Variants in KL observed in about 807,000 individuals in gnomAD.
The protein encoded by KL is klotho.
In KL, 62 loss-of-function variants were observed where a neutral mutation model predicts 84.2. The ratio of observed to expected loss-of-function variants is 0.74; its 90% CI spans 0.60 to 0.91. KL has a LOEUF of 0.91. Ranked by LOEUF, KL falls within the 40% of genes least tolerant of loss-of-function variation. The probability of loss-of-function intolerance (pLI) is 0.00; values close to 1 mark genes in which losing one functional copy is unlikely to be tolerated. For missense variants in KL, 1,261 were observed against 1,305.7 expected, an observed-to-expected ratio of 0.97 and a Z score of 0.53; for synonymous variants, 528 against 528.0, an observed-to-expected ratio of 1.00 and a Z score of 0.00.
chr13:33,045,605 A>G (rs1256702458), intron 1 of KL, among the ~76,000 whole-genome samples: 1 of 151,972 alleles, frequency 6.6e-6, no homozygotes, highest in African/African-American at 2.4e-5. Flanking sequence ...CTCAGCCTCC[A>G]GAGTAGCTGG....
At chr13:33,028,113 G>A (rs1870844294) in intron 1 of KL, among the ~76,000 whole-genome samples, 1 of 152,210 alleles carries the variant, frequency 6.6e-6, no homozygotes, top group African/African-American at 2.4e-5. Context: ...ACATCTTGCT[G>A]AAATGGGCCT....
chr13:33,058,525 A>C (rs574132088), intron 3 of KL, among the ~76,000 whole-genome samples: 2 of 151,980 alleles, frequency 1.3e-5, no homozygotes, highest in Non-Finnish European at 2.9e-5. Flanking sequence ...TATTTTTAGT[A>C]GAGACCGGGT....
intron 1 of KL, among the ~76,000 whole-genome samples, chr13:33,040,354 C>T (rs1050231016): frequency 2.0e-5 from 3 of 152,118 alleles, no homozygotes; most frequent in Non-Finnish European, 4.4e-5. Context: ...AATGTAATCC[C>T]AATACTCTTC....
At chr13:33,031,299 G>A (rs1870963799) in intron 1 of KL, among the ~76,000 whole-genome samples, 1 of 152,180 alleles carries the variant, frequency 6.6e-6, no homozygotes, top group Non-Finnish European at 1.5e-5. Context: ...GACGAGAGCA[G>A]CTCTTGACAG....
intron 3 of KL, among the ~76,000 whole-genome samples, chr13:33,058,200 C>T (rs141561453): frequency 1.2e-4 from 18 of 152,204 alleles, no homozygotes; most frequent in African/African-American, 4.1e-4. Flanking sequence ...AAGTTTCTCC[C>T]ATAACATACT....
chr13:33,022,908 G>A (rs990603487), intron 1 of KL, among the ~76,000 whole-genome samples: 2 of 152,232 alleles, frequency 1.3e-5, no homozygotes, highest in African/African-American at 4.8e-5. Flanking sequence ...TGCGCTTGCA[G>A]TCTGCTCTCA....
intron 1 of KL, among the ~76,000 whole-genome samples, chr13:33,024,066 C>T (rs1298544055): frequency 6.6e-6 from 1 of 152,226 alleles, no homozygotes. Flanking sequence ...GTGACTGTCT[C>T]TTTGCCTTCC....
At chr13:33,052,116 C>G (rs1871776481) in intron 1 of KL, among the ~76,000 whole-genome samples, 1 of 152,152 alleles carries the variant, frequency 6.6e-6, no homozygotes, top group East Asian at 1.9e-4. Flanking sequence ...AGCACCATGA[C>G]TGGTTAAGTT....
At chr13:33,056,958 C>T (rs1340536636) in intron 3 of KL, among the ~76,000 whole-genome samples, 1 of 152,180 alleles carries the variant, frequency 6.6e-6, no homozygotes, top group Non-Finnish European at 1.5e-5. Flanking sequence ...TTGAAATCTC[C>T]TTATCCTAAT....
chr13:33,037,640 T>C (rs1023598961), intron 1 of KL, among the ~76,000 whole-genome samples: 1 of 152,196 alleles, frequency 6.6e-6, no homozygotes, highest in African/African-American at 2.4e-5. Flanking sequence ...TGACTCTGGC[T>C]TTATCCATGT....
At chr13:33,021,600 G>A (rs1870577227) in intron 1 of KL, among the ~76,000 whole-genome samples, 1 of 152,060 alleles carries the variant, frequency 6.6e-6, no homozygotes, top group Non-Finnish European at 1.5e-5. Flanking sequence ...AATGTATTTG[G>A]GGCCGGGCGC....
At chr13:33,051,442 G>A (rs550201900) in intron 1 of KL, among the ~76,000 whole-genome samples, 12 of 152,244 alleles carry the variant, frequency 7.9e-5, no homozygotes, top group African/African-American at 2.6e-4. Context: ...GAAGTGGGAC[G>A]ATTGCTTGAG....
chr13:33,024,280 G>T (rs947664982), intron 1 of KL, among the ~76,000 whole-genome samples: 13 of 152,242 alleles, frequency 8.5e-5, no homozygotes, highest in Non-Finnish European at 1.8e-4. Flanking sequence ...CCTGTGGCAG[G>T]CAGGTGCAAT....
intron 1 of KL, among the ~76,000 whole-genome samples, chr13:33,043,762 A>G (rs1351202179): frequency 6.6e-6 from 1 of 152,194 alleles, no homozygotes; most frequent in Non-Finnish European, 1.5e-5. Context: ...TATTTTGTCA[A>G]TTATATACTA....
At chr13:33,043,956 C>A (rs1871430925) in intron 1 of KL, among the ~76,000 whole-genome samples, 1 of 148,846 alleles carries the variant, frequency 6.7e-6, no homozygotes, top group Non-Finnish European at 1.5e-5. Context: ...TATTCTCTTA[C>A]ATTTTGTTCT....
At chr13:33,027,020 G>A (rs1244126129) in intron 1 of KL, among the ~76,000 whole-genome samples, 2 of 152,106 alleles carry the variant, frequency 1.3e-5, no homozygotes, top group African/African-American at 4.8e-5. Flanking sequence ...CAACTTTACC[G>A]CGTCTCCTGG....
chr13:33,052,967 A>G (rs1292954460), intron 1 of KL, among the ~76,000 whole-genome samples: 2 of 152,248 alleles, frequency 1.3e-5, no homozygotes, highest in African/African-American at 4.8e-5. Flanking sequence ...GAAACAAATG[A>G]AAATAAGATA....
chr13:33,044,640 CTTT>C (rs71071071), intron 1 of KL, among the ~76,000 whole-genome samples: 18 of 52,742 alleles, frequency 3.4e-4, no homozygotes, highest in African/African-American at 1.3e-3. Context: ...AATTGATTTT[CTTT>C]TTTTTTTTTT....
intron 1 of KL, among the ~76,000 whole-genome samples, chr13:33,048,093 G>C (rs914630201): frequency 3.3e-5 from 5 of 151,952 alleles, no homozygotes; most frequent in Admixed American, 2.0e-4. Context: ...CCCAATGTCT[G>C]GGACATCTTG....
Sources: gnomAD v4.1 joint callset for allele counts (sites outside exome capture counted in the v4.1 genomes callset) on GRCh38, gnomAD v4.1.1 for gene constraint, MANE v1.5 for transcripts, NCBI Gene and HGNC (gene_info 2026-07-23, HGNC 2026-07-21) for gene names.